Variants in AKAP7 observed in about 807,000 individuals in gnomAD.
AKAP7 encodes the protein A kinase (PRKA) anchor protein 7.
In AKAP7, 39 loss-of-function variants were observed where a neutral mutation model predicts 39.5. The observed-to-expected ratio is 0.99, with a 90% CI of 0.76 to 1.29. The LOEUF is 1.29. AKAP7 is among the 50% of genes most tolerant of loss of function. AKAP7 has a pLI of 0.00. For missense variants in AKAP7, 414 were observed against 407.7 expected (o/e 1.02, Z -0.13); for synonymous variants, 140 against 139.1 (o/e 1.01, Z -0.05).
At chr6:131,166,601 T>C (rs532906002) in intron 4 of AKAP7, among the ~76,000 whole-genome samples, 18 of 152,166 alleles carry the variant, frequency 1.2e-4, no homozygotes, top group Non-Finnish European at 2.6e-4. Flanking sequence ...ACAGAATTCC[T>C]TCTTAGGAGA....
intron 6 of AKAP7, among the ~76,000 whole-genome samples, chr6:131,204,933 G>C (rs897230636): frequency 3.3e-5 from 5 of 152,096 alleles, no homozygotes; most frequent in South Asian, 4.1e-4. Flanking sequence ...CCTGCTAGAG[G>C]GTAGTCTGGA....
chr6:131,136,872 A>G (rs1800590092), intron 1 of AKAP7: 1 of 985,228 alleles, frequency 1.0e-6, no homozygotes, highest in South Asian at 4.7e-5. Context: ...TTTAGTAGCT[A>G]AGCCAGGACT....
At chr6:131,225,368 C>A (rs1190588769) in intron 7 of AKAP7, among the ~76,000 whole-genome samples, 6 of 152,152 alleles carry the variant, frequency 3.9e-5, no homozygotes, top group African/African-American at 1.4e-4. Flanking sequence ...GAGTTAGGAA[C>A]TGGCAACCAC....
chr6:131,136,218 T>A (rs1800527285), intron 1 of AKAP7, among the ~76,000 whole-genome samples: 1 of 152,194 alleles, frequency 6.6e-6, no homozygotes. Flanking sequence ...CATTTAGGAT[T>A]TTCTGCCAGG....
chr6:131,268,139 G>A (rs1433182537), intron 7 of AKAP7, among the ~76,000 whole-genome samples: 2 of 152,166 alleles, frequency 1.3e-5, no homozygotes, highest in Non-Finnish European at 2.9e-5. Context: ...AGAATTTTCT[G>A]TTTTCTAATT....
At chr6:131,129,693 C>T in the AKAP7 span, among the ~76,000 whole-genome samples, 1 of 152,178 alleles carries the variant, frequency 6.6e-6, no homozygotes, top group Non-Finnish European at 1.5e-5. Flanking sequence ...AGGTGTAGTG[C>T]TTTCTTAAAA....
At chr6:131,278,710 AACTC>A (rs1412510874) in intron 7 of AKAP7, among the ~76,000 whole-genome samples, 4 of 152,120 alleles carry the variant, frequency 2.6e-5, no homozygotes, top group African/African-American at 4.8e-5. Flanking sequence ...ATCTCATGAG[AACTC>A]ACTCACTATC....
intron 6 of AKAP7, among the ~76,000 whole-genome samples, chr6:131,208,704 G>A (rs1037694889): frequency 2.6e-5 from 4 of 152,210 alleles, no homozygotes; most frequent in Admixed American, 6.5e-5. Flanking sequence ...TCTCTGAAAT[G>A]CAAATGCTTA....
chr6:131,224,392 A>G (rs1012638069), intron 7 of AKAP7, among the ~76,000 whole-genome samples: 7 of 152,140 alleles, frequency 4.6e-5, no homozygotes, highest in African/African-American at 1.7e-4. Flanking sequence ...TTGAGCCAAC[A>G]TTTTATGGTA....
intron 6 of AKAP7, among the ~76,000 whole-genome samples, chr6:131,202,242 C>T (rs1807641531): frequency 6.7e-6 from 1 of 148,262 alleles, no homozygotes; most frequent in Non-Finnish European, 1.5e-5. Context: ...CCATTTGACC[C>T]AGCCATCCCA....
chr6:131,167,872 C>G (rs1171885583), intron 4 of AKAP7, among the ~76,000 whole-genome samples: 1 of 152,068 alleles, frequency 6.6e-6, no homozygotes, highest in African/African-American at 2.4e-5. Context: ...TTTTCAAACA[C>G]TTGGCTGAAC....
chr6:131,224,730 C>CTTTTTTTTTTTT (rs779047229), intron 7 of AKAP7, among the ~76,000 whole-genome samples: 1 of 55,110 alleles, frequency 1.8e-5, no homozygotes, highest in African/African-American at 7.3e-5. Flanking sequence ...AGTTGATTCA[C>CTTTTTTTTTTTT]TTTTTTTTTT....
chr6:131,131,446 T>A (rs1800325184), upstream of AKAP7, among the ~76,000 whole-genome samples: 1 of 146,798 alleles, frequency 6.8e-6, no homozygotes, highest in South Asian at 2.2e-4. Context: ...AGATTACCCG[T>A]GATATTGTTT....
intron 7 of AKAP7, among the ~76,000 whole-genome samples, chr6:131,259,921 C>T (rs1813168612): frequency 6.6e-6 from 1 of 151,490 alleles, no homozygotes; most frequent in African/African-American, 2.4e-5. Flanking sequence ...GCCTTGCATG[C>T]ATTAGCTATT....
At chr6:131,229,397 G>A (rs542631484) in intron 7 of AKAP7, among the ~76,000 whole-genome samples, 33 of 152,254 alleles carry the variant, frequency 2.2e-4, no homozygotes, top group African/African-American at 7.9e-4. Context: ...TGCCCAGGCT[G>A]GAATGCAGTG....
chr6:131,181,337 AT>A (rs1805217562), intron 5 of AKAP7, among the ~76,000 whole-genome samples: 1 of 152,184 alleles, frequency 6.6e-6, no homozygotes, highest in African/African-American at 2.4e-5. Flanking sequence ...AGCATCAGTC[AT>A]TTTAGATATT....
intron 6 of AKAP7, among the ~76,000 whole-genome samples, chr6:131,210,983 G>A (rs146876757): frequency 2.4e-4 from 36 of 152,268 alleles, no homozygotes; most frequent in African/African-American, 8.4e-4. Flanking sequence ...GTGGTCACTT[G>A]GGAATAAGCT....
chr6:131,189,452 T>C (rs554052379), intron 5 of AKAP7, among the ~76,000 whole-genome samples: 18 of 151,800 alleles, frequency 1.2e-4, no homozygotes, highest in Non-Finnish European at 2.5e-4. Context: ...AGGGAGAAAA[T>C]AGCAAAAGCT....
intron 6 of AKAP7, among the ~76,000 whole-genome samples, chr6:131,216,372 G>A (rs1237404982): frequency 6.6e-6 from 1 of 152,124 alleles, no homozygotes; most frequent in East Asian, 1.9e-4. Context: ...AAATGATATG[G>A]TGAGTGCCTC....
Sources: allele counts gnomAD v4.1 joint callset (sites outside exome capture counted in the v4.1 genomes callset), GRCh38; gene constraint gnomAD v4.1.1; transcripts MANE v1.5; gene names NCBI Gene and HGNC (gene_info 2026-07-23, HGNC 2026-07-21).